The following GRID1 variants were observed in gnomAD, a reference collection of about 807,000 sequenced individuals.
The protein encoded by GRID1 is glutamate receptor ionotropic, delta-1.
Under a neutral mutation model 98.0 loss-of-function variants are expected in GRID1, and 28 were observed. The ratio of observed to expected loss-of-function variants is 0.29; its 90% confidence interval spans 0.21 to 0.39. The LOEUF is 0.39. Among genes scored for constraint, GRID1 ranks in the 10% least tolerant of loss-of-function variants. The pLI is 1.00. For missense variants in GRID1, 1,111 were observed against 1,340.5 expected (o/e 0.83, Z 2.67); for synonymous variants, 553 against 538.5 (o/e 1.03, Z -0.37).
chr10:86,052,321 T>G (rs1843513206), intron 4 of GRID1: 1 of 151,894 alleles, frequency 6.6e-6, no homozygotes, highest in South Asian at 2.1e-4. Flanking sequence ...TCTGAGGGAG[T>G]GGGGAGGGGT....
chr10:86,158,110 C>T (rs905866712), intron 3 of GRID1, among the ~76,000 whole-genome samples: 1 of 152,210 alleles, frequency 6.6e-6, no homozygotes, highest in Non-Finnish European at 1.5e-5. Flanking sequence ...GCTCACAAGC[C>T]TCCAGGGCTC....
At chr10:86,163,004 G>A (rs1209015216) in intron 3 of GRID1, among the ~76,000 whole-genome samples, 1 of 152,228 alleles carries the variant, frequency 6.6e-6, no homozygotes, top group Non-Finnish European at 1.5e-5. Flanking sequence ...CCTGTACTAA[G>A]TAAGTAGCAC....
At chr10:85,741,682 G>C (rs895479022) in intron 8 of GRID1, among the ~76,000 whole-genome samples, 3 of 151,886 alleles carry the variant, frequency 2.0e-5, no homozygotes, top group Admixed American at 6.6e-5. Context: ...TAAGAAAATT[G>C]CTTTATTTCA....
At chr10:86,294,057 G>A (rs1036967307) in intron 2 of GRID1, among the ~76,000 whole-genome samples, 26 of 152,298 alleles carry the variant, frequency 1.7e-4, no homozygotes, top group East Asian at 1.2e-3. Context: ...AAACTAAATC[G>A]AGGCAGAGGA....
At chr10:86,178,660 A>C (rs1845611928) in intron 3 of GRID1, among the ~76,000 whole-genome samples, 2 of 151,680 alleles carry the variant, frequency 1.3e-5, no homozygotes, top group East Asian at 2.0e-4. Context: ...CCTTAAACTA[A>C]GCGACTCCTC....
chr10:86,065,091 C>T (rs1284653210), intron 4 of GRID1, among the ~76,000 whole-genome samples: 1 of 152,208 alleles, frequency 6.6e-6, no homozygotes. Context: ...CTGAGCACCC[C>T]ACTAGGGCCA....
chr10:85,943,062 T>A (rs1842014595), intron 4 of GRID1, among the ~76,000 whole-genome samples: 1 of 152,220 alleles, frequency 6.6e-6, no homozygotes, highest in African/African-American at 2.4e-5. Context: ...AAAATAGAGT[T>A]GCTTCCAATT....
At chr10:85,876,209 A>C (rs569355826) in intron 5 of GRID1, among the ~76,000 whole-genome samples, 2 of 152,114 alleles carry the variant, frequency 1.3e-5, no homozygotes, top group South Asian at 4.2e-4. Flanking sequence ...GGAGACCATA[A>C]GACCAAAATC....
Position 86,144,749 on chromosome 10 carries a change from C to G in GRID1, c.521-5725G>C, listed in dbSNP as rs186881255. On this transcript the variant is annotated intron_variant, in intron 3 of 15. Transcript: ENST00000327946. ...CCCCTTCTCCTCCTTCACACGCTCCCGGTCACACTCCCACTAGTCCTAGGT... is the reference window on the plus strand; with the variant it reads ...CCCCTTCTCCTCCTTCACACGCTCCGGGTCACACTCCCACTAGTCCTAGGT... Among the ~76,000 whole-genome samples, 819 of 152,284 alleles carry G rather than the reference C, an allele frequency of 5.4e-3. 22 individuals are homozygous for G. Among genetic ancestry groups the G allele is most frequent in the East Asian group, 3.7e-3 (19 of 5,176 alleles).
At chr10:85,872,371 T>C (rs1223935186) in intron 5 of GRID1, among the ~76,000 whole-genome samples, 2 of 152,076 alleles carry the variant, frequency 1.3e-5, no homozygotes, top group African/African-American at 2.4e-5. Context: ...TTTCCCATAT[T>C]CTCTTGATGG....
intron 2 of GRID1, among the ~76,000 whole-genome samples, chr10:86,341,883 T>A (rs553091329): frequency 6.6e-6 from 1 of 152,330 alleles, no homozygotes; most frequent in East Asian, 1.9e-4. Context: ...TCAGGGACTT[T>A]CCAGGGAGCA....
chr10:86,107,964 T>C (rs1844417778), intron 4 of GRID1, among the ~76,000 whole-genome samples: 2 of 152,172 alleles, frequency 1.3e-5, no homozygotes, highest in Admixed American at 1.3e-4. Flanking sequence ...GATCCAATTC[T>C]TCCAGTACAT....
At chr10:85,753,668 C>T (rs1190115999) in intron 8 of GRID1, among the ~76,000 whole-genome samples, 1 of 152,216 alleles carries the variant, frequency 6.6e-6, no homozygotes, top group East Asian at 1.9e-4. Context: ...CTAGACTTCA[C>T]TTAAGCACTT....
intron 8 of GRID1, among the ~76,000 whole-genome samples, chr10:85,815,914 T>A (rs1842712053): frequency 6.6e-6 from 1 of 152,002 alleles, no homozygotes; most frequent in Non-Finnish European, 1.5e-5. Context: ...AAAGCTTACA[T>A]CATTAGTCAT....
intron 12 of GRID1, among the ~76,000 whole-genome samples, chr10:85,683,374 T>C (rs117665433): frequency 1.3e-5 from 2 of 151,968 alleles, no homozygotes; most frequent in Admixed American, 6.6e-5. Flanking sequence ...GCCTTAAGAG[T>C]GGAAATTTTT....
At chr10:85,744,202 G>T (rs780242817) in intron 8 of GRID1, among the ~76,000 whole-genome samples, 4 of 152,118 alleles carry the variant, frequency 2.6e-5, no homozygotes, top group Admixed American at 6.6e-5. Flanking sequence ...ACCTTCTATA[G>T]TCTTAAAGAT....
chr10:86,050,523 A>C (rs539228750), intron 4 of GRID1, among the ~76,000 whole-genome samples: 8 of 152,330 alleles, frequency 5.3e-5, no homozygotes, highest in South Asian at 2.1e-4. Flanking sequence ...ATCAATATTA[A>C]AAGGTCAGTA....
chr10:86,000,567 G>A (rs1842791778), intron 4 of GRID1, among the ~76,000 whole-genome samples: 1 of 152,102 alleles, frequency 6.6e-6, no homozygotes, highest in Admixed American at 6.5e-5. Context: ...ATTGGTGAAG[G>A]GATAGACAAA....
intron 12 of GRID1, among the ~76,000 whole-genome samples, chr10:85,687,130 T>G (rs1305599163): frequency 1.3e-5 from 2 of 152,186 alleles, no homozygotes; most frequent in African/African-American, 4.8e-5. Context: ...TGTGACTTTA[T>G]AAGTACAGAA....
Sources: gnomAD v4.1 joint callset for allele counts (sites outside exome capture counted in the v4.1 genomes callset) on GRCh38, gnomAD v4.1.1 for gene constraint, MANE v1.5 for transcripts, NCBI Gene and HGNC (gene_info 2026-07-23, HGNC 2026-07-21) for gene names.